The following DLGAP2 variants were observed in gnomAD, a reference collection of about 807,000 sequenced individuals.
DLGAP2 encodes DLG associated protein 2, also known as disks large-associated protein 2.
In DLGAP2, 26 loss-of-function variants were observed where a neutral mutation model predicts 100.3. That is an observed-to-expected ratio of 0.26 (90% CI 0.19 to 0.36). The LOEUF (loss-of-function observed/expected upper bound fraction) is 0.36, where lower values mean the gene tolerates loss of function less well. Among genes scored for constraint, DLGAP2 ranks in the 10% least tolerant of loss-of-function variants. DLGAP2 has a pLI of 1.00. For missense variants in DLGAP2, 1,858 were observed against 1,453.2 expected (o/e 1.28, Z -4.53); for synonymous variants, 886 against 630.1 (o/e 1.41, Z -6.08).
intron 2 of DLGAP2, among the ~76,000 whole-genome samples, chr8:1,161,740 C>A (rs953919449): frequency 1.3e-5 from 2 of 152,060 alleles, no homozygotes; most frequent in Non-Finnish European, 2.9e-5. Flanking sequence ...GTGGAGCCGT[C>A]CTGTGTAGAT....
intron 2 of DLGAP2, among the ~76,000 whole-genome samples, chr8:989,863 T>C (rs1800604936): frequency 6.6e-6 from 1 of 152,174 alleles, no homozygotes; most frequent in Non-Finnish European, 1.5e-5. Flanking sequence ...CCAGCTGCTC[T>C]TGTCACTTAA....
At chr8:1,677,636 T>A (rs994448625) in intron 11 of DLGAP2, among the ~76,000 whole-genome samples, 2 of 152,230 alleles carry the variant, frequency 1.3e-5, no homozygotes, top group African/African-American at 4.8e-5. Context: ...TCCTATCAAC[T>A]ATTTTGGTGA....
chr8:1,219,788 A>G (rs1254159833), intron 2 of DLGAP2, among the ~76,000 whole-genome samples: 1 of 151,500 alleles, frequency 6.6e-6, no homozygotes, highest in African/African-American at 2.4e-5. Flanking sequence ...CAATTTTAGA[A>G]CTCATTATTG....
intron 2 of DLGAP2, among the ~76,000 whole-genome samples, chr8:917,419 A>G (rs186672197): frequency 1.3e-5 from 2 of 152,162 alleles, no homozygotes; most frequent in Admixed American, 1.3e-4. Context: ...TTGAATTTTT[A>G]TAGAGGTGAA....
chr8:836,077 C>T lies in DLGAP2; in HGVS notation c.19-71835C>T, dbSNP rs187720550. 1.2e-3 allele frequency among the ~76,000 whole-genome samples: 178 copies of T among 152,316 alleles called. No homozygotes were observed. The Middle Eastern group carries it at 0.027, about 23-fold the overall frequency. On this transcript the variant is annotated intron_variant, in intron 1 of 14. Coordinates refer to ENST00000637795, the MANE Select transcript of DLGAP2 (RefSeq NM_001346810.2). The stretch of plus-strand genomic sequence containing the variant: ...GCCGAGATGTAAAGGACACCCGCAG[C>T]CATGGAGCACAGCGGCGGCGCAACA...
chr8:1,027,566 C>T (rs1439566868), intron 2 of DLGAP2, among the ~76,000 whole-genome samples: 1 of 122,770 alleles, frequency 8.1e-6, no homozygotes, highest in Non-Finnish European at 1.7e-5. Flanking sequence ...GGGTGCCAAG[C>T]GCCCGTTATT....
chr8:798,277 G>C (rs996870758), intron 1 of DLGAP2, among the ~76,000 whole-genome samples: 2 of 149,280 alleles, frequency 1.3e-5, no homozygotes, highest in Non-Finnish European at 3.0e-5. Context: ...AGGACCTGCA[G>C]CCCCGTGCCC....
intron 3 of DLGAP2, among the ~76,000 whole-genome samples, chr8:1,416,435 A>G (rs1199290274): frequency 1.3e-5 from 2 of 152,160 alleles, no homozygotes; most frequent in Non-Finnish European, 2.9e-5. Flanking sequence ...TTTTCCATAA[A>G]TGTGTCTGAT....
rs187062173 is a variant in DLGAP2, at chr8:1,199,920, C to T, written c.74-58931C>T. Among the ~76,000 whole-genome samples, 59 of 149,896 alleles carry T rather than the reference C, an allele frequency of 3.9e-4. 1 individual carries two copies. In the East Asian group the frequency reaches 7.9e-3, roughly 20 times the overall value. On this transcript the variant is annotated intron_variant, in intron 2 of 14. Coordinates refer to ENST00000637795, the MANE Select transcript of DLGAP2 (RefSeq NM_001346810.2). ...CCGCCCCCTCCCCTGGTGATGACAGCCACGAGGTGGAAGGATTCCCCCCCA... is the reference window on the plus strand; with the variant it reads ...CCGCCCCCTCCCCTGGTGATGACAGTCACGAGGTGGAAGGATTCCCCCCCA...
chr8:1,188,013 A>G (rs1334792172), intron 2 of DLGAP2, among the ~76,000 whole-genome samples: 8 of 114,852 alleles, frequency 7.0e-5, no homozygotes, highest in South Asian at 2.9e-4. Flanking sequence ...ACGGAATCTC[A>G]CACGCCCGGG....
intron 5 of DLGAP2, among the ~76,000 whole-genome samples, 199 bp downstream of exon 5, chr8:1,549,882 G>A (rs572888309): frequency 5.0e-4 from 76 of 152,254 alleles, no homozygotes; most frequent in African/African-American, 1.7e-3. Flanking sequence ...TTTTTTTGGT[G>A]GGAGCACTTA....
intron 10 of DLGAP2, among the ~76,000 whole-genome samples, chr8:1,670,564 A>G (rs1251299413): frequency 6.6e-6 from 1 of 152,236 alleles, no homozygotes; most frequent in East Asian, 1.9e-4. Flanking sequence ...CCTGGCACAT[A>G]GGGAGTGCTC....
chr8:1,455,491 C>T (rs1222306404), intron 3 of DLGAP2, among the ~76,000 whole-genome samples: 1 of 152,234 alleles, frequency 6.6e-6, no homozygotes, highest in African/African-American at 2.4e-5. Flanking sequence ...ACAGCTTTGC[C>T]CGTGTCCTTC....
At chr8:1,253,314 G>T (rs888773964) in intron 2 of DLGAP2, among the ~76,000 whole-genome samples, 1 of 152,120 alleles carries the variant, frequency 6.6e-6, no homozygotes, top group Non-Finnish European at 1.5e-5. Context: ...GAGCTGCCAG[G>T]GCCCCTTTAT....
intron 6 of DLGAP2, among the ~76,000 whole-genome samples, chr8:1,623,826 C>A (rs1797420556): frequency 6.6e-6 from 1 of 152,186 alleles, no homozygotes; most frequent in African/African-American, 2.4e-5. Context: ...GCATTTCTGG[C>A]GTAATCTTGC....
At chr8:773,672 T>G (rs374004665) in intron 1 of DLGAP2, among the ~76,000 whole-genome samples, 1 of 152,008 alleles carries the variant, frequency 6.6e-6, no homozygotes, top group South Asian at 2.1e-4. Flanking sequence ...ACAAAGGACA[T>G]GAACTCATCA....
At chr8:864,710 A>G (rs7823906) in intron 1 of DLGAP2, among the ~76,000 whole-genome samples, 57,056 of 151,992 alleles carry the variant, frequency 0.38, 11,301 homozygotes, top group African/African-American at 0.51. Flanking sequence ...CACAATGCTG[A>G]GTGTTCTCTG....
chr8:982,217 A>G (rs1800356483), intron 2 of DLGAP2, among the ~76,000 whole-genome samples: 1 of 152,232 alleles, frequency 6.6e-6, no homozygotes, highest in Non-Finnish European at 1.5e-5. Flanking sequence ...AGAGATAATA[A>G]CAGTACCTAA....
At chr8:1,473,229 C>G (rs922161897) in intron 3 of DLGAP2, among the ~76,000 whole-genome samples, 1 of 152,214 alleles carries the variant, frequency 6.6e-6, no homozygotes, top group Non-Finnish European at 1.5e-5. Context: ...CCGTGCCCAG[C>G]CCACAAATGA....
Sources: allele counts gnomAD v4.1 joint callset (sites outside exome capture counted in the v4.1 genomes callset), GRCh38; gene constraint gnomAD v4.1.1; transcripts MANE v1.5; gene names NCBI Gene and HGNC (gene_info 2026-07-23, HGNC 2026-07-21).